Variants in LRTM2 observed in about 807,000 individuals in gnomAD.
LRTM2 encodes leucine-rich repeat and transmembrane domain-containing protein 2.
In LRTM2, 18 loss-of-function variants were observed where a neutral mutation model predicts 28.1. That is an observed-to-expected ratio of 0.64 (90% CI 0.44 to 0.95). The LOEUF (loss-of-function observed/expected upper bound fraction) is 0.95, where lower values mean the gene tolerates loss of function less well. Ranked by LOEUF, LRTM2 falls within the 40% of genes least tolerant of loss-of-function variation. The pLI is 0.00. For missense variants in LRTM2, 436 were observed against 497.2 expected (o/e 0.88, Z 1.17); for synonymous variants, 250 against 218.7 (o/e 1.14, Z -1.26).
At chr12:1,825,175 C>T (rs779527793) in intron 1 of LRTM2, among the ~76,000 whole-genome samples, 26 of 152,190 alleles carry the variant, frequency 1.7e-4, no homozygotes, top group African/African-American at 4.1e-4. Flanking sequence ...CACAAGAGGC[C>T]GCCTTCACCA....
In LRTM2 at chr12:1,834,172, C is replaced by T; in HGVS notation, c.659-95C>T. On this transcript the variant is annotated intron_variant, in intron 4 of 4. Coordinates refer to ENST00000299194, the MANE Select transcript of LRTM2 (RefSeq NM_001039029.3). The surrounding 1 kb of genome is among the most constrained non-coding windows in gnomAD (Gnocchi z 7.6). ...TGACTACATTGCTGATAAAAACTAC[C>T]TTCTGGGGCTTCCGTTTTGGGGAGC... 1 of 1,408,298 alleles carries T rather than the reference C, an allele frequency of 7.1e-7. No individual in the cohort carries two copies. The highest frequency in any genetic ancestry group is 9.5e-7 in the Non-Finnish European group (1 of 1,056,850). The allele number at this position is 1,408,298 out of a possible 1,614,324, so 87.2% of individuals were successfully genotyped here. A position where few individuals can be genotyped will look rare whatever the true frequency, so the allele number is the denominator to read the frequency against.
At position 1,831,356 on chromosome 12, in the gene LRTM2, C is replaced by T. The variant is rs749820740; in HGVS notation, c.489C>T (p.Leu163=). ...AQLPPGLFDG[L]LALRSLSLRS... ...TGCCCCCTGGTCTTTTCGACGGGCT[C>T]CTGGCTCTGCGCTCCCTCTCGCTTC... The change falls in exon 4 of 5, where the codon CTC becomes CTT. Residue 163 remains leucine, a synonymous_variant. Coordinates refer to ENST00000299194, the MANE Select transcript of LRTM2 (RefSeq NM_001039029.3). 2.5e-6 allele frequency: 4 copies of T among 1,613,964 alleles called. No homozygotes were observed. Among genetic ancestry groups the T allele is most frequent in the Non-Finnish European group, 3.4e-6 (4 of 1,180,032 alleles).
At chr12:1,830,797 A>G in intron 3 of LRTM2, 138 bp from the exon 4 acceptor site, 1 of 682,166 alleles carries the variant, frequency 1.5e-6, no homozygotes, top group South Asian at 2.0e-5. Flanking sequence ...TGGTTAATAA[A>G]CGTTTATGCA....
rs1439333829 is a variant in LRTM2, at chr12:1,836,037, G to C, written c.*1316G>C. ...AGCTTATTGCAGACAGAGCCCAGGA[G>C]CAGGAGCGGGTGGCCACGTGCTGCC... On this transcript the variant is annotated 3_prime_UTR_variant, in exon 5 of 5. Coordinates refer to ENST00000299194, the MANE Select transcript of LRTM2 (RefSeq NM_001039029.3). The C allele has an allele frequency of 6.6e-6, 1 of 152,214 alleles. No homozygotes were observed. The highest frequency in any genetic ancestry group is 1.5e-5 in the Non-Finnish European group (1 of 68,086). 9.4% of individuals were successfully genotyped at this position (152,214 alleles called of 1,614,324 possible).
At chr12:1,831,625 C>T (rs1864635330) in intron 4 of LRTM2, 100 bp downstream of exon 4, 1 of 1,064,610 alleles carries the variant, frequency 9.4e-7, no homozygotes, top group South Asian at 1.5e-5. Flanking sequence ...AGAGAGCAGG[C>T]CAGGGGAAAG....
chr12:1,828,384 C>T lies in LRTM2; in HGVS notation c.67+169C>T, dbSNP rs1037799655. Among the ~76,000 whole-genome samples, 21 of 152,222 alleles carry T rather than the reference C, an allele frequency of 1.4e-4. No homozygotes were observed. The highest frequency in any genetic ancestry group is 2.7e-4 in the African/African-American group (11 of 41,458). On this transcript the variant is annotated intron_variant, in intron 3 of 4. Coordinates refer to ENST00000299194, the MANE Select transcript of LRTM2 (RefSeq NM_001039029.3). This position sits in a 1 kb window ranked among gnomAD's most constrained non-coding sequence, Gnocchi z 4.2. Reference sequence around the variant, plus strand: ...TTCTGGGAAGCCAGGGTCACGCCCACGGTGACAGCATCCCTGCCAGTCAGA... The same window carrying T: ...TTCTGGGAAGCCAGGGTCACGCCCATGGTGACAGCATCCCTGCCAGTCAGA...
rs563325706 is a variant in LRTM2, at chr12:1,834,331, G to C, written c.723G>C (p.Met241Ile). The C allele has an allele frequency of 6.2e-7, 1 of 1,611,726 alleles. No homozygotes were observed. Among genetic ancestry groups the C allele is most frequent in the African/African-American group, 1.3e-5 (1 of 74,898 alleles). Reference protein sequence around the residue: ...PKELRGKDMRMVPMEMFNYCS... With the variant: ...PKELRGKDMRIVPMEMFNYCS... The stretch of plus-strand genomic sequence containing the variant: ...AGCTGAGGGGGAAGGACATGCGGAT[G>C]GTCCCCATGGAGATGTTCAACTACT... The change falls in exon 5 of 5, where the codon ATG becomes ATC. Residue 241 changes from methionine (M) to isoleucine (I), a missense_variant. By Grantham distance (10) the Met-to-Ile change is conservative. Transcript: ENST00000299194. This position sits in a 1 kb window ranked among gnomAD's most constrained non-coding sequence, Gnocchi z 7.6.
chr12:1,831,040 G>T lies in LRTM2; in HGVS notation c.173G>T (p.Gly58Val). 6.2e-7 allele frequency: 1 copy of T among 1,614,072 alleles called. No homozygotes were observed. Among genetic ancestry groups the T allele is most frequent in the East Asian group, 2.2e-5 (1 of 44,880 alleles). The change falls in exon 4 of 5, where the codon GGC (glycine) becomes GTC (valine). Residue 58 changes from glycine to valine, a missense_variant. Coordinates refer to ENST00000299194, the MANE Select transcript of LRTM2 (RefSeq NM_001039029.3). ...CTGGAGGTGGACTGCAGTGGCCTTGGCCTCACCACGGTGCCCCCAGACGTG... is the reference window on the plus strand; with the variant it reads ...CTGGAGGTGGACTGCAGTGGCCTTGTCCTCACCACGGTGCCCCCAGACGTG... ...RSLEVDCSGL[G>V]LTTVPPDVPA...
rs566461267 is a variant in LRTM2, at chr12:1,829,481, T to G, written c.67+1266T>G. 1.3e-5 allele frequency among the ~76,000 whole-genome samples: 2 copies of G among 152,064 alleles called. No homozygotes were observed. Among genetic ancestry groups the G allele is most frequent in the South Asian group, 4.2e-4 (2 of 4,808 alleles). On this transcript the variant is annotated intron_variant, in intron 3 of 4. Coordinates refer to ENST00000299194, the MANE Select transcript of LRTM2 (RefSeq NM_001039029.3). This position sits in a 1 kb window ranked among gnomAD's most constrained non-coding sequence, Gnocchi z 4.2. ...TTCCATGGCTGTACCTGTGCTCACTTCTCGCCAAGAACAGTGAGGCTTGCT... is the reference window on the plus strand; with the variant it reads ...TTCCATGGCTGTACCTGTGCTCACTGCTCGCCAAGAACAGTGAGGCTTGCT...
rs1864508759 is a variant in LRTM2 at position 1,829,231 on chromosome 12, G to A, written c.67+1016G>A. Among the ~76,000 whole-genome samples, 1 of 152,214 alleles carries A rather than the reference G, an allele frequency of 6.6e-6. No individual in the cohort carries two copies. Among genetic ancestry groups the A allele is most frequent in the Admixed American group, 6.5e-5 (1 of 15,288 alleles). On this transcript the variant is annotated intron_variant, in intron 3 of 4. Transcript: ENST00000299194. The surrounding 1 kb of genome is among the most constrained non-coding windows in gnomAD (Gnocchi z 4.2). ...TAGCCTGCTGTCAGGCCCTTCTCTGGGAGGGGCGAGCGGCTTCTGGTGATG... is the reference window on the plus strand; with the variant it reads ...TAGCCTGCTGTCAGGCCCTTCTCTGAGAGGGGCGAGCGGCTTCTGGTGATG...
chr12:1,828,565 G>A lies in LRTM2; in HGVS notation c.67+350G>A, dbSNP rs1186296082. The stretch of plus-strand genomic sequence containing the variant: ...TGCTGAGTCTTAAACAGCCTCACTG[G>A]TGCCTGAGCTTGTCGGCCTGTGTCA... On this transcript the variant is annotated intron_variant, in intron 3 of 4. Coordinates refer to ENST00000299194, the MANE Select transcript of LRTM2 (RefSeq NM_001039029.3). The surrounding 1 kb of genome is among the most constrained non-coding windows in gnomAD (Gnocchi z 4.2). Among the ~76,000 whole-genome samples the A allele has an allele frequency of 6.6e-6, 1 of 152,238 alleles. No individual in the cohort carries two copies. Among genetic ancestry groups the A allele is most frequent in the Non-Finnish European group, 1.5e-5 (1 of 68,044 alleles).
chr12:1,822,103 A>C (rs1478271234), intron 1 of LRTM2: 1 of 151,918 alleles, frequency 6.6e-6, no homozygotes, highest in Non-Finnish European at 1.5e-5. Flanking sequence ...CAGCACTGCC[A>C]AAAGAGGGAG....
chr12:1,831,553 C>T (rs377220840), intron 4 of LRTM2, 28 bp downstream of exon 4: 8 of 1,571,320 alleles, frequency 5.1e-6, no homozygotes, highest in African/African-American at 2.7e-5. Flanking sequence ...TGCTGGGGCC[C>T]GAGGGATTGG....
At position 1,828,207 on chromosome 12, in the gene LRTM2, A is replaced by G; in HGVS notation, c.59A>G (p.Gln20Arg). Residue 20 changes from glutamine to arginine, a missense_variant, in exon 3 of 5, where the codon CAA (glutamine) becomes CGA (arginine). Gln to Arg is a conservative substitution (Grantham distance 43). Coordinates refer to ENST00000299194, the MANE Select transcript of LRTM2 (RefSeq NM_001039029.3). This position sits in a 1 kb window ranked among gnomAD's most constrained non-coding sequence, Gnocchi z 4.2. ...QRGRLALQWR[Q>R]VSWITCWIAL... ...GGCAGGCTCGCCCTGCAGTGGAGGC[A>G]AGTCTCCTGTGAGTACACCCCTGGC... is the stretch of plus-strand genomic sequence containing the variant. 6.5e-7 allele frequency: 1 copy of G among 1,546,184 alleles called. No individual in the cohort carries two copies. Among genetic ancestry groups the G allele is most frequent in the Non-Finnish European group, 8.7e-7 (1 of 1,144,982 alleles).
intron 3 of LRTM2, among the ~76,000 whole-genome samples, chr12:1,830,496 G>A (rs1864573126): frequency 6.6e-6 from 1 of 152,222 alleles, no homozygotes; most frequent in Non-Finnish European, 1.5e-5. Flanking sequence ...CAGTGACACT[G>A]GGAGAGGGCA....
At chr12:1,830,891 C>G (rs1486711283) in intron 3 of LRTM2, 44 bp from the exon 4 acceptor site, 2 of 1,490,470 alleles carry the variant, frequency 1.3e-6, no homozygotes, top group Admixed American at 2.0e-5. Flanking sequence ...GAGGTGGTGA[C>G]CCGTCCTATT....
intron 1 of LRTM2, among the ~76,000 whole-genome samples, chr12:1,825,324 AG>A (rs1250714559): frequency 6.6e-6 from 1 of 152,176 alleles, no homozygotes; most frequent in Non-Finnish European, 1.5e-5. Context: ...CTTGGGTGGG[AG>A]GGCTTCTCCA....
intron 3 of LRTM2, among the ~76,000 whole-genome samples, chr12:1,830,382 T>C (rs1363749306): frequency 6.6e-6 from 1 of 152,232 alleles, no homozygotes; most frequent in Non-Finnish European, 1.5e-5. Flanking sequence ...AGTGCTGTTT[T>C]GTGCTCTCGC....
intron 1 of LRTM2, among the ~76,000 whole-genome samples, chr12:1,822,533 G>T (rs1230295664): frequency 1.3e-5 from 2 of 152,160 alleles, no homozygotes; most frequent in East Asian, 3.9e-4. Context: ...TCATGTCAGG[G>T]ACCAGCTCCC....
Sources: allele counts gnomAD v4.1 joint callset (sites outside exome capture counted in the v4.1 genomes callset), GRCh38; gene constraint gnomAD v4.1.1; non-coding constraint Gnocchi (gnomAD v3.1); transcripts MANE v1.5; gene names NCBI Gene and HGNC (gene_info 2026-07-23, HGNC 2026-07-21).